DGKB: variants seen among roughly 807,000 people sequenced by gnomAD.
DGKB encodes the protein diacylglycerol kinase beta.
A neutral mutation model predicts 114.3 loss-of-function variants in DGKB; 67 were observed. That is an observed-to-expected ratio of 0.59 (90% CI 0.48 to 0.72). The LOEUF is 0.72. Ranked by LOEUF, DGKB falls within the 30% of genes least tolerant of loss-of-function variation. The pLI is 0.00. For missense variants in DGKB, 907 were observed against 975.2 expected, an observed-to-expected ratio of 0.93 and a Z score of 0.93; for synonymous variants, 398 against 323.1, an observed-to-expected ratio of 1.23 and a Z score of -2.49.
chr7:14,680,067 T>G (rs2128963722), intron 12 of DGKB, among the ~76,000 whole-genome samples: 1 of 152,072 alleles, frequency 6.6e-6, no homozygotes. Context: ...GCTCATTGTT[T>G]ATAGAAAATA....
At chr7:14,205,513 T>C (rs1786634857) in intron 23 of DGKB, among the ~76,000 whole-genome samples, 1 of 151,942 alleles carries the variant, frequency 6.6e-6, no homozygotes, top group Admixed American at 6.6e-5. Flanking sequence ...TCATAACATA[T>C]TATGTTCTAA....
At chr7:14,244,843 A>T (rs901888788) in intron 23 of DGKB, among the ~76,000 whole-genome samples, 2 of 152,004 alleles carry the variant, frequency 1.3e-5, no homozygotes, top group Non-Finnish European at 2.9e-5. Flanking sequence ...CCCTCACTAG[A>T]CACCAAATAT....
At chr7:14,806,007 T>C (rs1177641060) in intron 2 of DGKB, among the ~76,000 whole-genome samples, 3 of 151,780 alleles carry the variant, frequency 2.0e-5, no homozygotes, top group East Asian at 1.9e-4. Context: ...CGAATATTTA[T>C]ATATATTCTA....
intron 5 of DGKB, among the ~76,000 whole-genome samples, chr7:14,733,173 A>T (rs1831166385): frequency 6.6e-6 from 1 of 152,188 alleles, no homozygotes; most frequent in Admixed American, 6.5e-5. Flanking sequence ...ATCCACTGAA[A>T]CTCATTCCGA....
intron 21 of DGKB, among the ~76,000 whole-genome samples, chr7:14,458,156 A>T (rs1036089789): frequency 6.6e-6 from 1 of 152,216 alleles, no homozygotes; most frequent in African/African-American, 2.4e-5. Flanking sequence ...TTAAATTTTA[A>T]TTCGATTTCA....
At chr7:14,388,031 C>A (rs1429752939) in intron 21 of DGKB, among the ~76,000 whole-genome samples, 1 of 151,706 alleles carries the variant, frequency 6.6e-6, no homozygotes. Flanking sequence ...AGGCGCCTGC[C>A]ACTGCGCCCG....
chr7:14,343,198 C>CACA (rs1320061315), intron 22 of DGKB, among the ~76,000 whole-genome samples: 1 of 149,066 alleles, frequency 6.7e-6, no homozygotes, highest in African/African-American at 2.5e-5. Context: ...CACACACACA[C>CACA]AACAAGATAT....
At chr7:14,475,547 T>A (rs1297355333) in intron 21 of DGKB, among the ~76,000 whole-genome samples, 6 of 152,104 alleles carry the variant, frequency 3.9e-5, no homozygotes, top group Non-Finnish European at 1.5e-5. Flanking sequence ...ATTTGGCCAA[T>A]AATACATTGA....
intron 23 of DGKB, among the ~76,000 whole-genome samples, chr7:14,256,222 T>C (rs1795949458): frequency 6.6e-6 from 1 of 152,078 alleles, no homozygotes; most frequent in Non-Finnish European, 1.5e-5. Context: ...TTACTGCCAT[T>C]TTCCTAAATT....
rs1331363144 is a variant in DGKB, at chr7:14,148,898, T to C, written c.*233A>G. On this transcript the variant is annotated 3_prime_UTR_variant, in exon 26 of 26. Coordinates refer to ENST00000402815, the MANE Select transcript of DGKB (RefSeq NM_001350709.2). ...TATGGGAATGCATGCACCAAAAATATGCAGTATCACTTCAGGTAAACTTCT... is the reference window on the plus strand; with the variant it reads ...TATGGGAATGCATGCACCAAAAATACGCAGTATCACTTCAGGTAAACTTCT... 2 of 529,428 alleles carry C rather than the reference T, an allele frequency of 3.8e-6. No individual in the cohort carries two copies. The highest frequency in any genetic ancestry group is 3.6e-5 in the Admixed American group (1 of 27,850). The allele number at this position is 529,428 out of a possible 1,614,324, so 32.8% of individuals were successfully genotyped here.
At chr7:14,820,391 T>C (rs1379307902) in intron 2 of DGKB, among the ~76,000 whole-genome samples, 1 of 152,194 alleles carries the variant, frequency 6.6e-6, no homozygotes, top group Non-Finnish European at 1.5e-5. Context: ...GTTTAAACGC[T>C]ATAGTATGGT....
chr7:14,239,718 C>A (rs1372408235), intron 23 of DGKB, among the ~76,000 whole-genome samples: 2 of 151,972 alleles, frequency 1.3e-5, no homozygotes, highest in African/African-American at 2.4e-5. Flanking sequence ...TCAGGAGAAT[C>A]CTCACAATAT....
At chr7:14,542,357 T>C (rs1410496712) in intron 20 of DGKB, among the ~76,000 whole-genome samples, 3 of 152,068 alleles carry the variant, frequency 2.0e-5, no homozygotes, top group Non-Finnish European at 4.4e-5. Context: ...CTCCTCTGCA[T>C]CTACTTATCT....
intron 6 of DGKB, among the ~76,000 whole-genome samples, chr7:14,703,689 G>A (rs924880632): frequency 3.3e-5 from 5 of 152,136 alleles, no homozygotes; most frequent in East Asian, 1.9e-4. Context: ...TGAGTCAGGG[G>A]TGTTTCGAGG....
chr7:14,607,157 CGTGT>C (rs71004316), intron 17 of DGKB, among the ~76,000 whole-genome samples: 82 of 148,336 alleles, frequency 5.5e-4, no homozygotes, highest in Non-Finnish European at 8.8e-4. Flanking sequence ...GCTAGTTTGT[CGTGT>C]GTGTGTGTGT....
At chr7:14,781,486 C>T (rs1165604656) in intron 2 of DGKB, among the ~76,000 whole-genome samples, 1 of 152,172 alleles carries the variant, frequency 6.6e-6, no homozygotes, top group Non-Finnish European at 1.5e-5. Context: ...CTCCCCACAG[C>T]TCTCCTCACC....
intron 2 of DGKB, among the ~76,000 whole-genome samples, chr7:14,813,059 T>A (rs1211124812): frequency 6.6e-6 from 1 of 152,104 alleles, no homozygotes; most frequent in Non-Finnish European, 1.5e-5. Flanking sequence ...GCTCTTAAAA[T>A]CCTGAGAAAA....
chr7:14,660,960 T>C (rs1406851567), intron 13 of DGKB, among the ~76,000 whole-genome samples: 1 of 150,282 alleles, frequency 6.7e-6, no homozygotes, highest in East Asian at 2.0e-4. Flanking sequence ...GGGAAAGGAT[T>C]CCCTATTTAA....
intron 17 of DGKB, among the ~76,000 whole-genome samples, chr7:14,585,917 C>G (rs377697141): frequency 5.9e-5 from 9 of 152,140 alleles, no homozygotes; most frequent in Middle Eastern, 6.3e-3. Context: ...TGTGTGTGTT[C>G]TGACTGCTCC....
Sources: gnomAD v4.1 joint callset for allele counts (sites outside exome capture counted in the v4.1 genomes callset) on GRCh38, gnomAD v4.1.1 for gene constraint, MANE v1.5 for transcripts, NCBI Gene and HGNC (gene_info 2026-07-23, HGNC 2026-07-21) for gene names.